SKAP1: variants seen among roughly 807,000 people sequenced by gnomAD.
SKAP1 encodes src kinase-associated phosphoprotein 1.
Under a neutral mutation model 58.5 loss-of-function variants are expected in SKAP1, and 44 were observed. The observed-to-expected ratio is 0.75, with a 90% CI of 0.59 to 0.97. The LOEUF (loss-of-function observed/expected upper bound fraction) is 0.97, where lower values mean the gene tolerates loss of function less well. SKAP1 is among the 50% of genes least tolerant of loss of function. SKAP1 has a pLI of 0.00. For missense variants in SKAP1, 390 were observed against 435.2 expected (o/e 0.90, Z 0.92); for synonymous variants, 127 against 149.7 (o/e 0.85, Z 1.11).
intron 4 of SKAP1, among the ~76,000 whole-genome samples, chr17:48,234,631 C>T (rs1052000703): frequency 1.3e-5 from 2 of 152,160 alleles, no homozygotes; most frequent in African/African-American, 4.8e-5. Flanking sequence ...AACCTTTATT[C>T]AGCATCTGTT....
chr17:48,164,421 C>G (rs559980902), intron 10 of SKAP1, among the ~76,000 whole-genome samples: 2 of 152,148 alleles, frequency 1.3e-5, no homozygotes, highest in Non-Finnish European at 2.9e-5. Flanking sequence ...CAGATAGTCA[C>G]TTTGGAGTAC....
intron 11 of SKAP1, among the ~76,000 whole-genome samples, chr17:48,142,550 C>T (rs2063781323): frequency 6.6e-6 from 1 of 152,294 alleles, no homozygotes; most frequent in African/African-American, 2.4e-5. Flanking sequence ...AATTTGTATT[C>T]TTAGTTGAGC....
At chr17:48,246,704 G>C (rs1278745769) in intron 4 of SKAP1, among the ~76,000 whole-genome samples, 1 of 152,132 alleles carries the variant, frequency 6.6e-6, no homozygotes. Flanking sequence ...AGAGATCTCT[G>C]AGAGTTAATC....
At chr17:48,404,475 G>A (rs376125882) in intron 1 of SKAP1, among the ~76,000 whole-genome samples, 2 of 152,064 alleles carry the variant, frequency 1.3e-5, no homozygotes, top group East Asian at 1.9e-4. Flanking sequence ...ACAAAAATTC[G>A]TATGGCGAGA....
chr17:48,286,818 G>A (rs892497975), intron 4 of SKAP1, among the ~76,000 whole-genome samples: 4 of 151,998 alleles, frequency 2.6e-5, no homozygotes, highest in African/African-American at 4.8e-5. Flanking sequence ...GATAATTTTC[G>A]CTGGGCGCGG....
intron 4 of SKAP1, among the ~76,000 whole-genome samples, chr17:48,323,668 G>A (rs1173489704): frequency 6.6e-6 from 1 of 152,038 alleles, no homozygotes; most frequent in Non-Finnish European, 1.5e-5. Flanking sequence ...GATCCTAGAG[G>A]CTGGAAGAGT....
intron 4 of SKAP1, among the ~76,000 whole-genome samples, chr17:48,340,792 G>T (rs990883333): frequency 1.3e-5 from 2 of 152,190 alleles, no homozygotes; most frequent in Non-Finnish European, 2.9e-5. Context: ...GAATAATTAT[G>T]AATGAAATTT....
chr17:48,185,117 T>A (rs984710779), intron 6 of SKAP1: 2 of 350,250 alleles, frequency 5.7e-6, no homozygotes, highest in African/African-American at 2.1e-5. Flanking sequence ...TGTTAAGAGA[T>A]CTATAACAAC....
chr17:48,381,734 A>C lies in SKAP1; in HGVS notation c.152+14946T>G, dbSNP rs149344133. 4.5e-4 allele frequency among the ~76,000 whole-genome samples: 69 copies of C among 152,268 alleles called. 1 individual carries two copies. In the East Asian group the frequency reaches 0.013, roughly 28 times the overall value. ...ACTATGTGACATGTTTGTGTTAGGC[A>C]CTTTTATGTACATAACAACAACCCT... is the stretch of plus-strand genomic sequence containing the variant. On this transcript the variant is annotated intron_variant, in intron 2 of 12. Coordinates refer to ENST00000336915, the MANE Select transcript of SKAP1 (RefSeq NM_003726.4).
intron 2 of SKAP1, among the ~76,000 whole-genome samples, chr17:48,367,929 G>A (rs202244741): frequency 6.9e-6 from 1 of 144,714 alleles, no homozygotes; most frequent in East Asian, 2.0e-4. Flanking sequence ...AAAAAAAAAA[G>A]AAAATTCTGA....
chr17:48,186,394 G>A (rs2064451556), intron 6 of SKAP1, among the ~76,000 whole-genome samples: 2 of 152,212 alleles, frequency 1.3e-5, no homozygotes, highest in Non-Finnish European at 2.9e-5. Context: ...ACTGCAGGCA[G>A]TGTGAGACAA....
chr17:48,258,230 T>C (rs2065448349), intron 4 of SKAP1, among the ~76,000 whole-genome samples: 2 of 151,990 alleles, frequency 1.3e-5, no homozygotes, highest in African/African-American at 4.8e-5. Context: ...ATAAATTAAG[T>C]CTCCCACAAA....
chr17:48,184,695 G>T, intron 7 of SKAP1, 28 bp downstream of exon 7: 1 of 1,613,804 alleles, frequency 6.2e-7, no homozygotes, highest in South Asian at 1.1e-5. Context: ...ACACCAAGAA[G>T]GATCACCATC....
chr17:48,208,907 C>T (rs1262407947), intron 4 of SKAP1, among the ~76,000 whole-genome samples: 1 of 152,194 alleles, frequency 6.6e-6, no homozygotes, highest in Admixed American at 6.5e-5. Context: ...CCATGTCTAG[C>T]TAGGACTTGG....
intron 4 of SKAP1, among the ~76,000 whole-genome samples, chr17:48,207,791 A>G (rs1424746148): frequency 6.6e-6 from 1 of 152,208 alleles, no homozygotes; most frequent in Non-Finnish European, 1.5e-5. Flanking sequence ...TGCAATTTAC[A>G]AAGTATTATT....
chr17:48,223,000 G>T (rs1196985648), intron 4 of SKAP1, among the ~76,000 whole-genome samples: 1 of 139,784 alleles, frequency 7.2e-6, no homozygotes, highest in African/African-American at 2.6e-5. Flanking sequence ...GGAGGCAGAG[G>T]TTGCAGTGAG....
chr17:48,334,762 A>T (rs1481438354), intron 4 of SKAP1, among the ~76,000 whole-genome samples: 1 of 151,858 alleles, frequency 6.6e-6, no homozygotes, highest in African/African-American at 2.4e-5. Context: ...ATGTTTTGCT[A>T]TTAAGATGTT....
chr17:48,248,173 G>A (rs1468378422), intron 4 of SKAP1, among the ~76,000 whole-genome samples: 2 of 152,162 alleles, frequency 1.3e-5, no homozygotes, highest in Non-Finnish European at 2.9e-5. Context: ...ATTCTTCCAA[G>A]GATGGCCTGC....
chr17:48,262,190 G>A (rs895800625), intron 4 of SKAP1, among the ~76,000 whole-genome samples: 3 of 152,196 alleles, frequency 2.0e-5, no homozygotes, highest in African/African-American at 7.2e-5. Flanking sequence ...ACCTGCAGGA[G>A]GCCCCCAGTC....
Sources: allele counts gnomAD v4.1 joint callset (sites outside exome capture counted in the v4.1 genomes callset), GRCh38; gene constraint gnomAD v4.1.1; transcripts MANE v1.5; gene names NCBI Gene and HGNC (gene_info 2026-07-23, HGNC 2026-07-21).